VAT1L: variants seen among roughly 807,000 people sequenced by gnomAD.
VAT1L encodes the protein vesicle amine transport 1 like, also known as putative NADPH-dependent quinone oxidoreductase VAT1L.
In VAT1L, 34 loss-of-function variants were observed where a neutral mutation model predicts 44.1. The observed-to-expected ratio is 0.77, with a 90% CI of 0.59 to 1.03. VAT1L has a LOEUF of 1.03. VAT1L is among the 50% of genes least tolerant of loss of function. The pLI, the probability that VAT1L is intolerant of heterozygous loss-of-function variation, is 0.00. For synonymous variants in VAT1L, 253 were observed against 202.2 expected, an observed-to-expected ratio of 1.25 and a Z score of -2.13; for missense variants, 615 against 538.8, an observed-to-expected ratio of 1.14 and a Z score of -1.40.
In VAT1L at chr16:77,884,664, C is replaced by A. The variant is rs200017287; in HGVS notation, c.939C>A (p.Ile313=). The change falls in exon 7 of 9, where the codon ATC becomes ATA. Residue 313 remains isoleucine, a synonymous_variant. Transcript: ENST00000302536. This position sits in a 1 kb window ranked among gnomAD's most constrained non-coding sequence, Gnocchi z 4.5. ...AGCTGTATGAGGAGAACAAAGTCAT[C>A]GCGGGGTTTTCCCTTTTAAATCTGC... The part of the protein sequence containing the change: ...PIKLYEENKV[I]AGFSLLNLLF... 3 of 1,613,378 alleles carry A rather than the reference C, an allele frequency of 1.9e-6. No homozygotes were observed. The highest frequency in any genetic ancestry group is 3.3e-5 in the Admixed American group (2 of 59,948).
At chr16:77,898,204 G>A (rs1451405506) in intron 7 of VAT1L, among the ~76,000 whole-genome samples, 1 of 152,010 alleles carries the variant, frequency 6.6e-6, no homozygotes, top group Non-Finnish European at 1.5e-5. Flanking sequence ...ATTGGATTAG[G>A]GCCCACCCTA....
intron 1 of VAT1L, among the ~76,000 whole-genome samples, chr16:77,802,537 C>G (rs771294458): frequency 3.9e-4 from 59 of 151,570 alleles, no homozygotes; most frequent in Middle Eastern, 3.4e-3. Flanking sequence ...TTGCTTGAAC[C>G]CAGGAGGCAG....
intron 7 of VAT1L, among the ~76,000 whole-genome samples, chr16:77,898,122 C>A (rs1364168358): frequency 6.6e-6 from 1 of 152,140 alleles, no homozygotes; most frequent in Non-Finnish European, 1.5e-5. Flanking sequence ...CTATCTCTGC[C>A]TTCATCTTCA....
At chr16:77,802,121 C>A (rs867255762) in intron 1 of VAT1L, among the ~76,000 whole-genome samples, 2 of 152,202 alleles carry the variant, frequency 1.3e-5, no homozygotes, top group African/African-American at 4.8e-5. Context: ...CCGCTTTGAG[C>A]CTCAGCATCT....
In VAT1L at chr16:77,816,978, G is replaced by A; in HGVS notation, c.291G>A (p.Lys97=). 3 of 1,614,004 alleles carry A rather than the reference G, an allele frequency of 1.9e-6. No individual in the cohort carries two copies. The highest frequency in any genetic ancestry group is 2.5e-6 in the Non-Finnish European group (3 of 1,179,940). ...AAGGGAATATTGACAACCCTCCCAA[G>A]ACTCCCCTGGTGCCAGGATTTGAGT... ...VRQGNIDNPP[K]TPLVPGFECS... The change falls in exon 2 of 9, where the codon AAG becomes AAA. Residue 97 remains lysine (K), a synonymous_variant. Transcript: ENST00000302536.
intron 7 of VAT1L, among the ~76,000 whole-genome samples, chr16:77,889,232 T>C (rs1387886191): frequency 2.0e-5 from 3 of 152,210 alleles, no homozygotes; most frequent in Non-Finnish European, 4.4e-5. Context: ...AGCCTCAGAC[T>C]AGAAGATTTA....
intron 7 of VAT1L, among the ~76,000 whole-genome samples, chr16:77,928,014 G>C (rs948324008): frequency 1.3e-5 from 2 of 152,130 alleles, no homozygotes; most frequent in Admixed American, 6.5e-5. Flanking sequence ...CATTAGGATG[G>C]GATGCCTCTT....
chr16:77,837,515 C>T (rs2016652401), intron 3 of VAT1L, among the ~76,000 whole-genome samples: 1 of 152,190 alleles, frequency 6.6e-6, no homozygotes, highest in Admixed American at 6.5e-5. Context: ...GTATCCCAAC[C>T]ACTGATCTCA....
chr16:77,877,276 C>G (rs1358713117), intron 5 of VAT1L, among the ~76,000 whole-genome samples: 4 of 151,976 alleles, frequency 2.6e-5, no homozygotes, highest in Non-Finnish European at 5.9e-5. Flanking sequence ...TTTGGGAGGC[C>G]GAGGCGGGCG....
intron 7 of VAT1L, among the ~76,000 whole-genome samples, chr16:77,951,574 AG>A (rs2018043620): frequency 6.6e-6 from 1 of 152,142 alleles, no homozygotes; most frequent in Non-Finnish European, 1.5e-5. Context: ...AGGACTTAAA[AG>A]TATGAGTGCG....
intron 7 of VAT1L, among the ~76,000 whole-genome samples, chr16:77,918,849 A>T (rs2017579899): frequency 6.6e-6 from 1 of 152,122 alleles, no homozygotes; most frequent in Non-Finnish European, 1.5e-5. Flanking sequence ...CAGAACACCC[A>T]GCCTAAGATA....
At chr16:77,808,061 C>T (rs2016195798) in intron 1 of VAT1L, among the ~76,000 whole-genome samples, 1 of 151,612 alleles carries the variant, frequency 6.6e-6, no homozygotes, top group South Asian at 2.1e-4. Context: ...TGGTCTGTGG[C>T]CTGTTAGGAA....
chr16:77,858,448 G>C (rs2142439537), intron 3 of VAT1L, among the ~76,000 whole-genome samples: 1 of 152,324 alleles, frequency 6.6e-6, no homozygotes, highest in South Asian at 2.1e-4. Flanking sequence ...AATAGTAAGA[G>C]AGGACTTAGG....
At chr16:77,903,791 C>T (rs1177600201) in intron 7 of VAT1L, among the ~76,000 whole-genome samples, 1 of 143,586 alleles carries the variant, frequency 7.0e-6, no homozygotes, top group Non-Finnish European at 1.5e-5. Context: ...GGCTGGAGTG[C>T]AGTGGCGTGA....
At chr16:77,826,163 C>A (rs374744762) in intron 3 of VAT1L, among the ~76,000 whole-genome samples, 1 of 149,966 alleles carries the variant, frequency 6.7e-6, no homozygotes, top group Admixed American at 6.6e-5. Flanking sequence ...GCCGAGATCC[C>A]GCCACTGCAC....
Position 77,865,832 on chromosome 16 carries a change from G to A in VAT1L, c.722+2942G>A, listed in dbSNP as rs1239800467. ...GGGGAGTGGGAAGAGAAGGGAGATG[G>A]CATCTCTTCTGAAAAAGTAATAGCC... On this transcript the variant is annotated intron_variant, in intron 4 of 8. Coordinates refer to ENST00000302536, the MANE Select transcript of VAT1L (RefSeq NM_020927.3). Among the ~76,000 whole-genome samples, 5 of 152,128 alleles carry A rather than the reference G, an allele frequency of 3.3e-5. No homozygotes were observed. In the East Asian group the frequency reaches 9.6e-4, roughly 29 times the overall value.
At chr16:77,865,453 C>G (rs1424057190) in intron 4 of VAT1L, among the ~76,000 whole-genome samples, 1 of 152,090 alleles carries the variant, frequency 6.6e-6, no homozygotes, top group African/African-American at 2.4e-5. Context: ...GGAGACTGTG[C>G]CAGAGCCAGA....
intron 4 of VAT1L, 126 bp downstream of exon 4, chr16:77,863,016 T>C: frequency 1.6e-6 from 2 of 1,219,756 alleles, no homozygotes; most frequent in Non-Finnish European, 2.2e-6. Context: ...CTTAGTATTA[T>C]TAGCTCTGTG....
At chr16:77,848,942 A>G (rs185450761) in intron 3 of VAT1L, among the ~76,000 whole-genome samples, 1 of 152,364 alleles carries the variant, frequency 6.6e-6, no homozygotes, top group East Asian at 1.9e-4. Flanking sequence ...ACACAGGAAC[A>G]GAAAACCAAA....
Sources: gnomAD v4.1 joint callset for allele counts (sites outside exome capture counted in the v4.1 genomes callset) on GRCh38, gnomAD v4.1.1 for gene constraint, Gnocchi (gnomAD v3.1) non-coding constraint, MANE v1.5 for transcripts, NCBI Gene and HGNC (gene_info 2026-07-23, HGNC 2026-07-21) for gene names.